NALF1: variants seen among roughly 807,000 people sequenced by gnomAD.
NALF1 encodes the protein family with sequence similarity 155 member A.
Under a neutral mutation model 48.4 loss-of-function variants are expected in NALF1, and 3 were observed. That is an observed-to-expected ratio of 0.06 (90% CI 0.03 to 0.16). NALF1 has a LOEUF of 0.16. Ranked by LOEUF, NALF1 falls within the 10% of genes least tolerant of loss-of-function variation. NALF1 has a pLI of 1.00. For synonymous variants in NALF1, 262 were observed against 245.7 expected (o/e 1.07, Z -0.62); for missense variants, 526 against 571.5 (o/e 0.92, Z 0.81).
At chr13:107,728,727 A>C (rs1286919384) in intron 1 of NALF1, among the ~76,000 whole-genome samples, 2 of 146,640 alleles carry the variant, frequency 1.4e-5, no homozygotes, top group Admixed American at 1.4e-4. Context: ...AATAAAAAAG[A>C]AAAAGAATCC....
chr13:107,415,300 T>C (rs1456681792), intron 1 of NALF1, among the ~76,000 whole-genome samples: 2 of 152,130 alleles, frequency 1.3e-5, no homozygotes. Context: ...ACTTTCAGTT[T>C]GTGAAAGATA....
At chr13:107,254,062 A>AAAAAAATATATATATATATATATATATAT in intron 1 of NALF1, among the ~76,000 whole-genome samples, 28 of 138,674 alleles carry the variant, frequency 2.0e-4, no homozygotes, top group African/African-American at 2.7e-4. Flanking sequence ...CAAGTACTAA[A>AAAAAAATATATATATATATATATATATAT]ATATATATAT....
intron 1 of NALF1, among the ~76,000 whole-genome samples, chr13:107,792,549 G>A (rs1044389021): frequency 6.6e-6 from 1 of 152,004 alleles, no homozygotes; most frequent in African/African-American, 2.4e-5. Context: ...GACCAAAATG[G>A]GACATTGTAA....
intron 1 of NALF1, among the ~76,000 whole-genome samples, chr13:107,650,302 C>T (rs1475369210): frequency 1.3e-5 from 2 of 149,680 alleles, no homozygotes; most frequent in Middle Eastern, 3.4e-3. Context: ...GATGAGGCTG[C>T]GCCACCTAGT....
At chr13:107,325,867 TATATATATATATATATATATACAC>T (rs1229233939) in intron 1 of NALF1, among the ~76,000 whole-genome samples, 15 of 89,394 alleles carry the variant, frequency 1.7e-4, no homozygotes, top group African/African-American at 5.1e-4. Context: ...TATATATATA[TATATATATATATATATATATACAC>T]ACACACACAC....
intron 1 of NALF1, among the ~76,000 whole-genome samples, chr13:107,374,380 G>A (rs992729897): frequency 2.6e-5 from 4 of 152,114 alleles, no homozygotes; most frequent in African/African-American, 9.7e-5. Context: ...TTTTTATTGG[G>A]TTAACTTCCC....
chr13:107,474,103 T>G (rs982200976), intron 1 of NALF1, among the ~76,000 whole-genome samples: 1 of 152,166 alleles, frequency 6.6e-6, no homozygotes, highest in African/African-American at 2.4e-5. Context: ...ACTACTTTTC[T>G]CAATAAGAAC....
At chr13:107,606,837 G>C (rs1197151152) in intron 1 of NALF1, among the ~76,000 whole-genome samples, 3 of 152,224 alleles carry the variant, frequency 2.0e-5, no homozygotes, top group Admixed American at 6.5e-5. Flanking sequence ...GTGATTTAGA[G>C]TACTTGAAAA....
chr13:107,407,806 T>C (rs1048766095), intron 1 of NALF1, among the ~76,000 whole-genome samples: 27 of 152,148 alleles, frequency 1.8e-4, no homozygotes, highest in African/African-American at 6.5e-4. Context: ...CTCCCATGTT[T>C]ATTGCAGCAC....
chr13:107,782,548 T>C (rs1412540337), intron 1 of NALF1, among the ~76,000 whole-genome samples: 2 of 147,728 alleles, frequency 1.4e-5, no homozygotes, highest in Admixed American at 6.8e-5. Context: ...TCTGCCTGGC[T>C]GCCCAGTCTG....
At position 107,317,248 on chromosome 13, in the gene NALF1, T is replaced by C. The variant is rs137940435; in HGVS notation, c.916-106493A>G. The stretch of plus-strand genomic sequence containing the variant: ...CTATTTTCAAGAGTTAGACGACCCA[T>C]GCATAAAATCATTTATTGAGACATG... On this transcript the variant is annotated intron_variant, in intron 1 of 2. Transcript: ENST00000375915. Among the ~76,000 whole-genome samples the C allele has an allele frequency of 1.2e-4, 18 of 152,208 alleles. No homozygotes were observed. The East Asian group carries it at 3.1e-3, about 26-fold the overall frequency.
intron 2 of NALF1, among the ~76,000 whole-genome samples, chr13:107,200,462 G>A (rs1333427632): frequency 1.3e-5 from 2 of 152,150 alleles, no homozygotes; most frequent in African/African-American, 4.8e-5. Flanking sequence ...GGCATGATCT[G>A]TGCCAAAAAT....
At chr13:107,782,774 G>C (rs1255446089) in intron 1 of NALF1, among the ~76,000 whole-genome samples, 1 of 150,894 alleles carries the variant, frequency 6.6e-6, no homozygotes, top group African/African-American at 2.4e-5. Context: ...GAGCGTCTCT[G>C]CCCAGCCGCC....
At chr13:107,369,164 A>T (rs770769419) in intron 1 of NALF1, among the ~76,000 whole-genome samples, 1 of 152,228 alleles carries the variant, frequency 6.6e-6, no homozygotes, top group Non-Finnish European at 1.5e-5. Context: ...TATGTATCAG[A>T]TGAACTCCAG....
chr13:107,859,914 CAAAAAAA>C (rs778833499), intron 1 of NALF1, among the ~76,000 whole-genome samples: 3 of 66,494 alleles, frequency 4.5e-5, no homozygotes, highest in African/African-American at 1.8e-4. Context: ...AACTCCAACT[CAAAAAAA>C]AAAAAAAAAA....
intron 1 of NALF1, among the ~76,000 whole-genome samples, chr13:107,319,476 A>G (rs1416164823): frequency 6.6e-6 from 1 of 152,038 alleles, no homozygotes; most frequent in African/African-American, 2.4e-5. Flanking sequence ...GAACAGATAA[A>G]GGCGCAATAT....
At chr13:107,723,796 G>C (rs1876061752) in intron 1 of NALF1, among the ~76,000 whole-genome samples, 1 of 152,176 alleles carries the variant, frequency 6.6e-6, no homozygotes, top group Non-Finnish European at 1.5e-5. Flanking sequence ...GAGTGAAACT[G>C]TTGTCTAGCT....
In NALF1 at chr13:107,335,924, T is replaced by C. The variant is rs1351936549; in HGVS notation, c.916-125169A>G. Among the ~76,000 whole-genome samples the C allele has an allele frequency of 2.0e-5, 3 of 150,696 alleles. No homozygotes were observed. In the East Asian group the frequency reaches 6.0e-4, roughly 30 times the overall value. Reference sequence around the variant, plus strand: ...TTTATAAATTGCATCTTTCCAAATATTAATTTTTTTTTTCAGTTTTAGGAA... The same window carrying C: ...TTTATAAATTGCATCTTTCCAAATACTAATTTTTTTTTTCAGTTTTAGGAA... On this transcript the variant is annotated intron_variant, in intron 1 of 2. Transcript: ENST00000375915.
chr13:107,403,723 TA>T (rs1036457323), intron 1 of NALF1, among the ~76,000 whole-genome samples: 10 of 150,654 alleles, frequency 6.6e-5, no homozygotes, highest in Non-Finnish European at 1.3e-4. Flanking sequence ...CCACAAATTT[TA>T]AAAAAAAACT....
Sources: gnomAD v4.1 joint callset for allele counts (sites outside exome capture counted in the v4.1 genomes callset) on GRCh38, gnomAD v4.1.1 for gene constraint, MANE v1.5 for transcripts, NCBI Gene and HGNC (gene_info 2026-07-23, HGNC 2026-07-21) for gene names.